The following EPHA6 variants were observed in gnomAD, a reference collection of about 807,000 sequenced individuals.
EPHA6 encodes EPH receptor A6, also known as ephrin type-A receptor 6.
A neutral mutation model predicts 112.0 loss-of-function variants in EPHA6; 50 were observed. The ratio of observed to expected loss-of-function variants is 0.45; its 90% CI spans 0.36 to 0.56. The LOEUF (loss-of-function observed/expected upper bound fraction) is 0.56. Among genes scored for constraint, EPHA6 ranks in the 20% least tolerant of loss-of-function variants. The pLI is 0.00. For missense variants in EPHA6, 1,280 were observed against 1,417.4 expected (o/e 0.90, Z 1.56); for synonymous variants, 529 against 490.7 (o/e 1.08, Z -1.03).
At chr3:96,919,387 AAG>A (rs2039647625) in intron 2 of EPHA6, among the ~76,000 whole-genome samples, 1 of 151,956 alleles carries the variant, frequency 6.6e-6, no homozygotes, top group Admixed American at 6.6e-5. Context: ...TGTAAAATAA[AAG>A]AAGTTTTAGA....
At chr3:97,070,692 T>C (rs1024585729) in intron 3 of EPHA6, among the ~76,000 whole-genome samples, 8 of 152,140 alleles carry the variant, frequency 5.3e-5, no homozygotes, top group African/African-American at 1.9e-4. Flanking sequence ...TGTGCAAATG[T>C]ACAGAATATT....
intron 3 of EPHA6, among the ~76,000 whole-genome samples, chr3:97,072,225 T>G (rs746764707): frequency 6.6e-6 from 1 of 152,116 alleles, no homozygotes; most frequent in Non-Finnish European, 1.5e-5. Context: ...AATGAAATAA[T>G]GGCATTTGAA....
chr3:97,310,382 G>A (rs188390841), intron 5 of EPHA6, among the ~76,000 whole-genome samples: 2 of 151,360 alleles, frequency 1.3e-5, no homozygotes, highest in East Asian at 3.9e-4. Context: ...AAAATATTTG[G>A]GAAAGAGACT....
At chr3:96,851,387 A>T (rs112774013) in intron 1 of EPHA6, among the ~76,000 whole-genome samples, 1,667 of 152,236 alleles carry the variant, frequency 0.011, 29 homozygotes, top group African/African-American at 0.038. Flanking sequence ...GAGGATGAGA[A>T]TTTACTGTGG....
At chr3:97,279,783 T>A (rs1032907805) in intron 5 of EPHA6, among the ~76,000 whole-genome samples, 44 of 152,350 alleles carry the variant, frequency 2.9e-4, no homozygotes, top group Admixed American at 1.6e-3. Context: ...AGATATTAGA[T>A]CAAACACTGT....
chr3:97,678,656 A>C (rs1262535409), intron 14 of EPHA6, among the ~76,000 whole-genome samples: 1 of 152,174 alleles, frequency 6.6e-6, no homozygotes, highest in Non-Finnish European at 1.5e-5. Flanking sequence ...AAATCTAGAG[A>C]GGTAAAGTCT....
At chr3:97,731,835 C>T (rs1482511373) in intron 15 of EPHA6, among the ~76,000 whole-genome samples, 2 of 151,964 alleles carry the variant, frequency 1.3e-5, no homozygotes, top group African/African-American at 4.8e-5. Context: ...TGCTTCTTCT[C>T]CTCTGTCCTC....
chr3:97,554,811 C>T (rs1430667036), intron 11 of EPHA6, among the ~76,000 whole-genome samples: 3 of 151,918 alleles, frequency 2.0e-5, no homozygotes, highest in Admixed American at 6.6e-5. Context: ...CTGTTTCTTG[C>T]CTTTTTGTAT....
intron 2 of EPHA6, among the ~76,000 whole-genome samples, chr3:96,909,214 C>T (rs1457175515): frequency 3.3e-5 from 5 of 151,774 alleles, no homozygotes; most frequent in African/African-American, 9.7e-5. Context: ...TGTTTTTAAA[C>T]TATATACTAA....
At chr3:97,313,358 G>C (rs2081649039) in intron 5 of EPHA6, among the ~76,000 whole-genome samples, 2 of 151,500 alleles carry the variant, frequency 1.3e-5, no homozygotes, top group Admixed American at 1.3e-4. Flanking sequence ...ACATGGGAGT[G>C]CAGACACCTC....
At chr3:97,097,217 G>T (rs575772449) in intron 3 of EPHA6, among the ~76,000 whole-genome samples, 1 of 151,280 alleles carries the variant, frequency 6.6e-6, no homozygotes, top group Non-Finnish European at 1.5e-5. Context: ...ATTAATAAAA[G>T]AAATAAAAAT....
chr3:97,641,747 C>T (rs546765351), intron 14 of EPHA6, among the ~76,000 whole-genome samples: 1 of 152,212 alleles, frequency 6.6e-6, no homozygotes, highest in Non-Finnish European at 1.5e-5. Context: ...TAAAAAACAG[C>T]GCACCACGAG....
In EPHA6 at chr3:97,652,242, A is replaced by T. The variant is rs535502150; in HGVS notation, c.2784+14160A>T. Reference sequence around the variant, plus strand: ...AGAAGGAAAACATGATAAATACCAGACAAACCACATGAAATCTTTATGGGA... The same window carrying T: ...AGAAGGAAAACATGATAAATACCAGTCAAACCACATGAAATCTTTATGGGA... On this transcript the variant is annotated intron_variant, in intron 14 of 17. Coordinates refer to ENST00000389672, the MANE Select transcript of EPHA6 (RefSeq NM_001080448.3). Among the ~76,000 whole-genome samples, 147 of 152,204 alleles carry T rather than the reference A, an allele frequency of 9.7e-4. 1 individual carries two copies. The highest frequency in any genetic ancestry group is 7.2e-3 in the South Asian group (35 of 4,830).
intron 10 of EPHA6, among the ~76,000 whole-genome samples, chr3:97,500,921 T>C (rs1011845685): frequency 1.3e-5 from 2 of 152,116 alleles, no homozygotes; most frequent in Non-Finnish European, 2.9e-5. Flanking sequence ...AGTAAAAGTA[T>C]ACAACAAATA....
At chr3:97,482,696 G>T (rs1003425133) in intron 9 of EPHA6, among the ~76,000 whole-genome samples, 2 of 152,098 alleles carry the variant, frequency 1.3e-5, no homozygotes, top group South Asian at 2.1e-4. Context: ...GTTTGTTTTT[G>T]ATTTTTTTGT....
At chr3:96,950,534 A>G (rs2041483351) in intron 2 of EPHA6, among the ~76,000 whole-genome samples, 1 of 152,170 alleles carries the variant, frequency 6.6e-6, no homozygotes, top group South Asian at 2.1e-4. Context: ...AAATCACTGT[A>G]TTGGATTTTT....
chr3:97,195,866 T>G (rs2077427876), intron 3 of EPHA6, among the ~76,000 whole-genome samples: 1 of 151,946 alleles, frequency 6.6e-6, no homozygotes, highest in African/African-American at 2.4e-5. Context: ...TGTATTGGAG[T>G]TTTCTTTATG....
rs1207060710 is a variant in EPHA6, at chr3:96,882,730, CTGTGTGTGTGTGTGTG to C, written c.450+15865_450+15880del. Among the ~76,000 whole-genome samples the C allele has an allele frequency of 1.4e-3, 185 of 129,308 alleles. 2 individuals are homozygous for C. In the East Asian group the frequency reaches 0.021, roughly 15 times the overall value. 84.8% of individuals were successfully genotyped at this position (129,308 alleles called of 152,430 possible). ...GGATTCGTAGTATTCCATTGTGTGT[CTGTGTGTGTGTGTGTG>C]TGTGTGTGTGTGTGTGTGTGTGTAT... On this transcript the variant is annotated intron_variant, in intron 2 of 17. Coordinates refer to ENST00000389672, the MANE Select transcript of EPHA6 (RefSeq NM_001080448.3).
chr3:96,854,483 A>G (rs899393535), intron 1 of EPHA6, among the ~76,000 whole-genome samples: 1 of 152,032 alleles, frequency 6.6e-6, no homozygotes, highest in African/African-American at 2.4e-5. Context: ...ATATAATTAT[A>G]TATTTACTTT....
Sources: gnomAD v4.1 joint callset for allele counts (sites outside exome capture counted in the v4.1 genomes callset) on GRCh38, gnomAD v4.1.1 for gene constraint, MANE v1.5 for transcripts, NCBI Gene and HGNC (gene_info 2026-07-23, HGNC 2026-07-21) for gene names.